The following RAD54L variants were observed in gnomAD, a reference collection of about 807,000 sequenced individuals.
RAD54L encodes DNA repair and recombination protein RAD54-like.
RAD54L carries 74 observed loss-of-function variants against 91.6 expected under a neutral mutation model. The observed-to-expected ratio is 0.81, with a 90% CI of 0.67 to 0.98. The LOEUF (loss-of-function observed/expected upper bound fraction) is 0.98, where lower values mean the gene tolerates loss of function less well. Among genes scored for constraint, RAD54L ranks in the 50% least tolerant of loss-of-function variants. The pLI is 0.00. For missense variants in RAD54L, 887 were observed against 945.7 expected (o/e 0.94, Z 0.81); for synonymous variants, 304 against 349.7 (o/e 0.87, Z 1.46).
rs560893409 is a variant in RAD54L, at chr1:46,250,233, A to C, written c.210+114A>C. The C allele has an allele frequency of 1.1e-3, 1,593 of 1,435,980 alleles. 1 individual carries two copies. Among genetic ancestry groups the C allele is most frequent in the Non-Finnish European group, 1.5e-3 (1,543 of 1,029,902 alleles). The allele number at this position is 1,435,980 out of a possible 1,614,324, so 89.0% of individuals were successfully genotyped here. A position where few individuals can be genotyped will look rare whatever the true frequency, so the allele number is the denominator to read the frequency against. ...TTTCTAGAGTGGCCAGAAGACACAC[A>C]TCTGTAGGGGCTTTGGACCTGCCCA... On this transcript the variant is annotated intron_variant, in intron 3 of 17. Transcript: ENST00000371975.
At position 46,273,422 on chromosome 1, in the gene RAD54L, C is replaced by A. The variant is rs1337869025; in HGVS notation, c.1443C>A (p.Phe481Leu). ...EDGFVGALDL[F>L]PPGYSSKALE... ...GCTTTGTGGGTGCCTTGGACCTCTT[C>A]CCTCCTGGTTACAGCTCTAAGGCCC... Residue 481 changes from phenylalanine to leucine, a missense_variant, in exon 13 of 18, where the codon TTC becomes TTA. Coordinates refer to ENST00000371975, the MANE Select transcript of RAD54L (RefSeq NM_003579.4). The A allele has an allele frequency of 2.5e-6, 4 of 1,614,124 alleles. No individual in the cohort carries two copies. In the Admixed American group the frequency reaches 6.7e-5, roughly 27 times the overall value.
rs1660248043 is a variant in RAD54L at position 46,265,675 on chromosome 1, A to G, written c.892-1784A>G. On this transcript the variant is annotated intron_variant, in intron 8 of 17. Transcript: ENST00000371975. This position sits in a 1 kb window ranked among gnomAD's most constrained non-coding sequence, Gnocchi z 4.8. ...CTATACACTGAAATTATACAGGCGA[A>G]TCTGACATAGTCTCTGCCTTAAGAA... 6.6e-6 allele frequency among the ~76,000 whole-genome samples: 1 copy of G among 152,240 alleles called. No individual in the cohort carries two copies. Among genetic ancestry groups the G allele is most frequent in the Admixed American group, 6.5e-5 (1 of 15,288 alleles).
chr1:46,269,508 AT>A (rs1660362160), intron 9 of RAD54L, among the ~76,000 whole-genome samples: 1 of 151,756 alleles, frequency 6.6e-6, no homozygotes, highest in Non-Finnish European at 1.5e-5. Context: ...GGGTTTTGCC[AT>A]GTTGCCCAGG....
At chr1:46,259,909 C>T (rs1333512243) in intron 4 of RAD54L, 55 bp from the exon 5 acceptor site, 1 of 1,612,442 alleles carries the variant, frequency 6.2e-7, no homozygotes, top group Non-Finnish European at 8.5e-7. Context: ...TTGAGCTGGG[C>T]TTGCTGGAGC....
intron 5 of RAD54L, 60 bp from the exon 6 acceptor site, chr1:46,260,482 C>T (rs2148287623): frequency 6.6e-7 from 1 of 1,522,754 alleles, no homozygotes; most frequent in Non-Finnish European, 9.1e-7. Context: ...GACACAGCTT[C>T]CTGAGGGTGC....
In RAD54L at chr1:46,272,824, G is replaced by A. The variant is rs750923637; in HGVS notation, c.1375+22G>A. The stretch of plus-strand genomic sequence containing the variant: ...AATCGTGAGTTGGGCTTGTGTCCTG[G>A]TGTCCTCTGTGAGAGTGAGCAAGGG... On this transcript the variant is annotated intron_variant, in intron 12 of 17. Transcript: ENST00000371975. 4.3e-6 allele frequency: 7 copies of A among 1,613,856 alleles called. No individual in the cohort carries two copies. In the South Asian group the frequency reaches 5.5e-5, roughly 13 times the overall value.
intron 9 of RAD54L, 100 bp downstream of exon 9, chr1:46,267,709 A>G (rs1471814675): frequency 6.9e-7 from 1 of 1,442,246 alleles, no homozygotes; most frequent in Non-Finnish European, 9.6e-7. Context: ...TGCTAGTTAT[A>G]TGTGGGTCAC....
chr1:46,269,040 T>C (rs1660344034), intron 9 of RAD54L, among the ~76,000 whole-genome samples: 1 of 152,172 alleles, frequency 6.6e-6, no homozygotes, highest in African/African-American at 2.4e-5. Flanking sequence ...GCTGGAATTA[T>C]GGGCATGAGC....
chr1:46,259,896 T>A (rs1295924605), intron 4 of RAD54L, 68 bp from the exon 5 acceptor site: 2 of 1,605,992 alleles, frequency 1.2e-6, no homozygotes, highest in Non-Finnish European at 1.7e-6. Flanking sequence ...GAAGGACAAG[T>A]ATTTGAGCTG....
intron 10 of RAD54L, among the ~76,000 whole-genome samples, chr1:46,271,596 T>G (rs923411349): frequency 6.6e-6 from 1 of 151,770 alleles, no homozygotes; most frequent in African/African-American, 2.4e-5. Flanking sequence ...AGGCAGAGGT[T>G]GGAGTGAGCT....
chr1:46,275,569 A>G (rs1439418889), intron 16 of RAD54L, among the ~76,000 whole-genome samples: 3 of 152,040 alleles, frequency 2.0e-5, no homozygotes. Context: ...TTCAGCTTCT[A>G]CACCAGCTAC....
Position 46,278,455 on chromosome 1 carries a change from A to G in RAD54L, c.*173A>G, listed in dbSNP as rs1660691219. 2 of 830,168 alleles carry G rather than the reference A, an allele frequency of 2.4e-6. No homozygotes were observed. Among genetic ancestry groups the G allele is most frequent in the South Asian group, 3.2e-5 (2 of 62,522 alleles). The allele number at this position is 830,168 out of a possible 1,614,324, so 51.4% of individuals were successfully genotyped here. A position where few individuals can be genotyped will look rare whatever the true frequency, so the allele number is the denominator to read the frequency against. ...AAAACTTTTTTGGTTAAAAAAAAGA[A>G]TAAAGGTATGAAAGGGTTTGAGGCC... On this transcript the variant is annotated 3_prime_UTR_variant, in exon 18 of 18. Transcript: ENST00000371975.
At chr1:46,266,726 G>A (rs772824685) in intron 8 of RAD54L, among the ~76,000 whole-genome samples, 3 of 152,192 alleles carry the variant, frequency 2.0e-5, no homozygotes, top group Non-Finnish European at 4.4e-5. Flanking sequence ...TACAGAAGGC[G>A]TCTGGCTCAG....
intron 16 of RAD54L, 63 bp from the exon 17 acceptor site, chr1:46,277,754 T>C (rs1212076472): frequency 2.0e-6 from 3 of 1,528,840 alleles, no homozygotes; most frequent in Admixed American, 1.7e-5. Flanking sequence ...GTTTTCCTGC[T>C]CCCTTTTTAT....
In RAD54L at chr1:46,258,078, A is replaced by G. The variant is rs536199819; in HGVS notation, c.211-608A>G. On this transcript the variant is annotated intron_variant, in intron 3 of 17. Transcript: ENST00000371975. ...TTTAAAATAGAGATGGGGTCTTGCT[A>G]TATTGCCCAGGCTGGTCTCGAACTC... 7.9e-5 allele frequency among the ~76,000 whole-genome samples: 12 copies of G among 152,152 alleles called. No homozygotes were observed. The South Asian group carries it at 2.5e-3, about 32-fold the overall frequency.
chr1:46,277,607 G>C (rs1226719922), intron 16 of RAD54L: 1 of 619,144 alleles, frequency 1.6e-6, no homozygotes, highest in Non-Finnish European at 2.8e-6. Flanking sequence ...AAAGTAGCCT[G>C]GGTGGGCAGA....
In RAD54L at chr1:46,247,905, C is replaced by A. The variant is rs1201354258; in HGVS notation, c.-501C>A. 1 of 261,968 alleles carries A rather than the reference C, an allele frequency of 3.8e-6. No homozygotes were observed. The highest frequency in any genetic ancestry group is 9.7e-5 in the East Asian group (1 of 10,308). The allele number at this position is 261,968 out of a possible 1,614,324, so 16.2% of individuals were successfully genotyped here. On this transcript the variant is annotated 5_prime_UTR_variant, in exon 1 of 18. Coordinates refer to ENST00000371975, the MANE Select transcript of RAD54L (RefSeq NM_003579.4). Reference sequence around the variant, plus strand: ...GCCCGCGTGGCTTCCTGCTCGACCTCCCTGAGTCTGATCCTGGTTTCCACC... The same window carrying A: ...GCCCGCGTGGCTTCCTGCTCGACCTACCTGAGTCTGATCCTGGTTTCCACC...
chr1:46,273,204 A>T lies in RAD54L; in HGVS notation c.1376-151A>T, dbSNP rs1287434698. On this transcript the variant is annotated intron_variant, in intron 12 of 17. Transcript: ENST00000371975. ...TCCATCGTCCCAGATGGCACCGACT[A>T]TATCCTGTTGGAATTTGGTAGGATG... 2.1e-5 allele frequency: 16 copies of T among 773,306 alleles called. No homozygotes were observed. The Admixed American group carries it at 2.9e-4, about 14-fold the overall frequency. The allele number at this position is 773,306 out of a possible 1,614,324, so 47.9% of individuals were successfully genotyped here. A position where few individuals can be genotyped will look rare whatever the true frequency, so the allele number is the denominator to read the frequency against.
chr1:46,275,978 C>T (rs999084963), intron 16 of RAD54L, among the ~76,000 whole-genome samples: 5 of 151,484 alleles, frequency 3.3e-5, no homozygotes, highest in Admixed American at 6.6e-5. Context: ...TTTTTTTTCT[C>T]GTCTTTGGAA....
Sources: gnomAD v4.1 joint callset for allele counts (sites outside exome capture counted in the v4.1 genomes callset) on GRCh38, gnomAD v4.1.1 for gene constraint, Gnocchi (gnomAD v3.1) non-coding constraint, MANE v1.5 for transcripts, NCBI Gene and HGNC (gene_info 2026-07-23, HGNC 2026-07-21) for gene names.